The following RAPGEF2 variants were observed in gnomAD, a reference collection of about 807,000 sequenced individuals.
RAPGEF2 encodes the protein Rap guanine nucleotide exchange factor 2.
Under a neutral mutation model 186.7 loss-of-function variants are expected in RAPGEF2, and 54 were observed. That is an observed-to-expected ratio of 0.29 (90% CI 0.23 to 0.36). The LOEUF is 0.36. Ranked by LOEUF, RAPGEF2 falls within the 10% of genes least tolerant of loss-of-function variation. The pLI is 1.00. For synonymous variants in RAPGEF2, 712 were observed against 705.9 expected (o/e 1.01, Z -0.14); for missense variants, 1,532 against 2,045.0 (o/e 0.75, Z 4.84).
chr4:159,353,546 C>G lies in RAPGEF2; in HGVS notation c.4151C>G (p.Ser1384Cys), dbSNP rs200429291. The change falls in exon 28 of 30, where the codon TCT becomes TGT. Residue 1384 changes from serine (S) to cysteine (C), a missense_variant. This residue lies in a region of RAPGEF2 where 594 missense variants were observed against 608.5 expected (regional missense o/e 0.98). Transcript: ENST00000691494. This position sits in a 1 kb window ranked among gnomAD's most constrained non-coding sequence, Gnocchi z 4.3. ...GLYATATVIS[S>C]PSTEELSQDQ... is the part of the protein sequence containing the mutation. Reference sequence around the variant, plus strand: ...TATGCTACAGCTACAGTAATTTCTTCTCCAAGCACAGAGGAACTTTCCCAG... The same window carrying G: ...TATGCTACAGCTACAGTAATTTCTTGTCCAAGCACAGAGGAACTTTCCCAG... 2.0e-3 allele frequency: 3,049 copies of G among 1,547,324 alleles called. 11 individuals carry two copies. The highest frequency in any genetic ancestry group is 2.4e-3 in the Non-Finnish European group (2,751 of 1,150,944).
At chr4:159,124,108 A>G (rs980596787) in intron 1 of RAPGEF2, among the ~76,000 whole-genome samples, 9 of 151,434 alleles carry the variant, frequency 5.9e-5, no homozygotes, top group African/African-American at 1.9e-4. Flanking sequence ...GCCTGCCTCC[A>G]TCTCCCAAAG....
Position 159,353,440 on chromosome 4 carries a change from TATCA to T in RAPGEF2, c.4092-43_4092-40del, listed in dbSNP as rs1452716592. On this transcript the variant is annotated intron_variant, in intron 27 of 29. Transcript: ENST00000691494. This position sits in a 1 kb window ranked among gnomAD's most constrained non-coding sequence, Gnocchi z 4.3. Reference sequence around the variant, plus strand: ...TTGGTTTTATCATAGGTGAATTAGTTATCAATCTTGTTTTTTTTTTCTTTTCCAT... The same window carrying T: ...TTGGTTTTATCATAGGTGAATTAGTTATCTTGTTTTTTTTTTCTTTTCCAT... 1 of 1,386,364 alleles carries T rather than the reference TATCA, an allele frequency of 7.2e-7. No individual in the cohort carries two copies. Among genetic ancestry groups the T allele is most frequent in the Admixed American group, 2.7e-5 (1 of 37,076 alleles). The allele number at this position is 1,386,364 out of a possible 1,614,324, so 85.9% of individuals were successfully genotyped here. A position where few individuals can be genotyped will look rare whatever the true frequency, so the allele number is the denominator to read the frequency against.
At chr4:159,327,986 A>G (rs1172448631) in intron 11 of RAPGEF2, 1 of 152,126 alleles carries the variant, frequency 6.6e-6, no homozygotes, top group Non-Finnish European at 1.5e-5. Context: ...GTCAAGATTA[A>G]TTTTAGTACA....
rs912614579 is a variant in RAPGEF2 at position 159,359,024 on chromosome 4, C to T, written c.*885C>T. 6.6e-5 allele frequency: 10 copies of T among 152,180 alleles called. No individual in the cohort carries two copies. The highest frequency in any genetic ancestry group is 2.4e-4 in the African/African-American group (10 of 41,428). 9.4% of individuals were successfully genotyped at this position (152,180 alleles called of 1,614,324 possible). On this transcript the variant is annotated 3_prime_UTR_variant, in exon 30 of 30. Transcript: ENST00000691494. ...CTAGGACCCTTGTGTCCTGTCTGAG[C>T]CTTATGGAGGCAGGACGGTGTCATT...
At chr4:159,354,725 A>C (rs977393743) in intron 28 of RAPGEF2, among the ~76,000 whole-genome samples, 1 of 152,248 alleles carries the variant, frequency 6.6e-6, no homozygotes, top group Non-Finnish European at 1.5e-5. Context: ...AGTTAGTGTG[A>C]GGATTCAAGG....
At chr4:159,327,303 T>C (rs1213590615) in intron 11 of RAPGEF2, 1 of 152,194 alleles carries the variant, frequency 6.6e-6, no homozygotes, top group Non-Finnish European at 1.5e-5. Flanking sequence ...CATATAGTAC[T>C]TTCATGGGCT....
intron 19 of RAPGEF2, among the ~76,000 whole-genome samples, chr4:159,340,657 A>C: frequency 7.3e-6 from 1 of 136,208 alleles, no homozygotes; most frequent in Non-Finnish European, 1.6e-5. Flanking sequence ...AAAAAATACC[A>C]CCACCATCAC....
chr4:159,134,552 A>G (rs770479917), intron 1 of RAPGEF2, among the ~76,000 whole-genome samples: 10 of 152,198 alleles, frequency 6.6e-5, no homozygotes, highest in Non-Finnish European at 1.0e-4. Flanking sequence ...AAAAACTAAC[A>G]AACTCCTTCC....
chr4:159,267,441 G>C, intron 7 of RAPGEF2: 1 of 771,308 alleles, frequency 1.3e-6, no homozygotes, highest in Non-Finnish European at 1.9e-6. Flanking sequence ...GAGTGTGAGG[G>C]ACAGACATCA....
In RAPGEF2 at chr4:159,338,289, TC is replaced by T. The variant is rs1227808197; in HGVS notation, c.2136-21del. 2.5e-6 allele frequency: 4 copies of T among 1,591,440 alleles called. No individual in the cohort carries two copies. The African/African-American group carries it at 4.0e-5, about 16-fold the overall frequency. On this transcript the variant is annotated intron_variant, in intron 17 of 29. Coordinates refer to ENST00000691494, the MANE Select transcript of RAPGEF2 (RefSeq NM_001394067.2). ...CAACTTTTTAACTTGTTGATAATTT[TC>T]TAATTTTCCTCTTTGTTCAGTGATA... is the stretch of plus-strand genomic sequence containing the variant.
At chr4:159,267,946 C>T (rs529009615) in intron 7 of RAPGEF2, 235 of 1,331,828 alleles carry the variant, frequency 1.8e-4, no homozygotes, top group East Asian at 2.3e-4. Flanking sequence ...AAAATGGAGA[C>T]GAACACTGTT....
intron 17 of RAPGEF2, among the ~76,000 whole-genome samples, chr4:159,337,551 T>G (rs914372588): frequency 6.6e-6 from 1 of 152,132 alleles, no homozygotes; most frequent in African/African-American, 2.4e-5. Flanking sequence ...TATATTTCTG[T>G]GCTGAGAAAC....
intron 7 of RAPGEF2, among the ~76,000 whole-genome samples, chr4:159,277,385 C>T (rs532395120): frequency 5.3e-5 from 8 of 152,262 alleles, no homozygotes; most frequent in South Asian, 4.2e-4. Flanking sequence ...AATTAACATA[C>T]GTGTGCATGT....
At chr4:159,315,182 T>C (rs941875269) in intron 9 of RAPGEF2, among the ~76,000 whole-genome samples, 2 of 152,200 alleles carry the variant, frequency 1.3e-5, no homozygotes, top group African/African-American at 4.8e-5. Context: ...GCTTCTACTC[T>C]GGTTTTGTGT....
At position 159,322,979 on chromosome 4, in the gene RAPGEF2, C is replaced by G. The variant is rs60960975; in HGVS notation, c.991-480C>G. Among the ~76,000 whole-genome samples, 1,443 of 152,266 alleles carry G rather than the reference C, an allele frequency of 9.5e-3. 26 individuals are homozygous for G. Among genetic ancestry groups the G allele is most frequent in the African/African-American group, 0.033 (1,365 of 41,546 alleles). ...AGATTTGGGTGGGGACACAGAGCCA[C>G]ACCATATGAGTCACTATATTCCAAA... is the stretch of plus-strand genomic sequence containing the variant. On this transcript the variant is annotated intron_variant, in intron 10 of 29. Coordinates refer to ENST00000691494, the MANE Select transcript of RAPGEF2 (RefSeq NM_001394067.2).
chr4:159,238,269 T>G (rs1381846048), intron 4 of RAPGEF2, among the ~76,000 whole-genome samples: 2 of 152,182 alleles, frequency 1.3e-5, no homozygotes, highest in Admixed American at 1.3e-4. Context: ...CTGAAATAAC[T>G]TTACCATAGA....
intron 3 of RAPGEF2, among the ~76,000 whole-genome samples, chr4:159,201,146 C>T (rs1749364551): frequency 1.3e-5 from 2 of 152,096 alleles, no homozygotes; most frequent in Non-Finnish European, 2.9e-5. Flanking sequence ...TGCCATTTGA[C>T]TATACAAAAA....
intron 7 of RAPGEF2, among the ~76,000 whole-genome samples, chr4:159,294,192 C>T (rs1179789366): frequency 2.6e-5 from 4 of 152,110 alleles, no homozygotes; most frequent in Non-Finnish European, 5.9e-5. Flanking sequence ...CAAACCCAAC[C>T]TTTTTTGTTC....
intron 1 of RAPGEF2, among the ~76,000 whole-genome samples, chr4:159,177,552 T>C (rs1196898381): frequency 1.3e-5 from 2 of 152,222 alleles, no homozygotes; most frequent in African/African-American, 4.8e-5. Flanking sequence ...TCTGCCCATC[T>C]GACTCCAAAG....
Sources: allele counts gnomAD v4.1 joint callset (sites outside exome capture counted in the v4.1 genomes callset), GRCh38; gene constraint gnomAD v4.1.1; regional missense constraint gnomAD v4.1.1; non-coding constraint Gnocchi (gnomAD v3.1); transcripts MANE v1.5; gene names NCBI Gene and HGNC (gene_info 2026-07-23, HGNC 2026-07-21).